Variants in GLIS3 observed in about 807,000 individuals in gnomAD.
GLIS3 encodes the protein GLIS family zinc finger 3, also known as zinc finger protein GLIS3.
In GLIS3, 53 loss-of-function variants were observed where a neutral mutation model predicts 78.6. That is an observed-to-expected ratio of 0.67 (90% CI 0.54 to 0.85). GLIS3 has a LOEUF of 0.85. GLIS3 is among the 40% of genes least tolerant of loss of function. The probability of loss-of-function intolerance (pLI) is 0.00; values close to 1 mark genes in which losing one functional copy is unlikely to be tolerated. For synonymous variants in GLIS3, 684 were observed against 509.9 expected (o/e 1.34, Z -4.60); for missense variants, 1,703 against 1,231.1 (o/e 1.38, Z -5.74).
intron 6 of GLIS3, among the ~76,000 whole-genome samples, chr9:3,919,069 T>C (rs1824702613): frequency 2.6e-5 from 4 of 152,112 alleles, no homozygotes; most frequent in African/African-American, 9.7e-5. Flanking sequence ...TAGGATCAGA[T>C]TGCCCCAACT....
chr9:4,185,209 G>A (rs766765252), intron 2 of GLIS3, among the ~76,000 whole-genome samples: 4 of 152,186 alleles, frequency 2.6e-5, no homozygotes, highest in Admixed American at 6.5e-5. Context: ...ATCACAGTCT[G>A]TGGTCTTTTG....
intron 9 of GLIS3, among the ~76,000 whole-genome samples, chr9:3,838,050 C>T (rs1818463478): frequency 6.6e-6 from 1 of 152,098 alleles, no homozygotes; most frequent in African/African-American, 2.4e-5. Flanking sequence ...CTACATTTTT[C>T]TGTGAACCCA....
chr9:4,004,472 A>T (rs1203835560), intron 4 of GLIS3, among the ~76,000 whole-genome samples: 1 of 152,200 alleles, frequency 6.6e-6, no homozygotes, highest in African/African-American at 2.4e-5. Flanking sequence ...AAGTCATCCA[A>T]AAGGTGATGG....
chr9:4,358,185 G>A, the GLIS3 span, among the ~76,000 whole-genome samples: 1 of 152,032 alleles, frequency 6.6e-6, no homozygotes, highest in Non-Finnish European at 1.5e-5. Flanking sequence ...ATTTCCAGAA[G>A]GCTGCATAAA....
intron 6 of GLIS3, among the ~76,000 whole-genome samples, chr9:3,924,647 A>G (rs149403763): frequency 3.3e-5 from 5 of 152,338 alleles, no homozygotes; most frequent in African/African-American, 1.2e-4. Context: ...TCAATGACAT[A>G]GCTCAACTGA....
the GLIS3 span, among the ~76,000 whole-genome samples, chr9:4,378,959 T>C: frequency 6.6e-6 from 1 of 152,168 alleles, no homozygotes; most frequent in Non-Finnish European, 1.5e-5. Context: ...GCCAAGTGTT[T>C]TGGGTTAAAT....
At chr9:4,037,083 C>G (rs532481327) in intron 4 of GLIS3, among the ~76,000 whole-genome samples, 2 of 152,260 alleles carry the variant, frequency 1.3e-5, no homozygotes, top group South Asian at 4.2e-4. Flanking sequence ...TCTCTGAGCA[C>G]CAGTTTTCCC....
At chr9:4,097,942 T>C (rs1830088331) in intron 4 of GLIS3, among the ~76,000 whole-genome samples, 1 of 152,214 alleles carries the variant, frequency 6.6e-6, no homozygotes, top group Admixed American at 6.5e-5. Context: ...GGCTCCATTC[T>C]GTTCCATCGG....
At chr9:4,187,703 G>T (rs1297188755) in intron 2 of GLIS3, among the ~76,000 whole-genome samples, 1 of 152,108 alleles carries the variant, frequency 6.6e-6, no homozygotes, top group Non-Finnish European at 1.5e-5. Context: ...CCTTGAAGAG[G>T]TCTTTCACAT....
At chr9:3,867,143 T>C (rs1263401416) in intron 8 of GLIS3, among the ~76,000 whole-genome samples, 1 of 152,228 alleles carries the variant, frequency 6.6e-6, no homozygotes, top group Non-Finnish European at 1.5e-5. Context: ...AACTCTTGAT[T>C]TTTCTCCATT....
intron 4 of GLIS3, among the ~76,000 whole-genome samples, chr9:4,024,365 C>T (rs1823137271): frequency 6.6e-6 from 1 of 152,156 alleles, no homozygotes; most frequent in Non-Finnish European, 1.5e-5. Context: ...ATGATAATGA[C>T]TGTGTGGATA....
intron 6 of GLIS3, among the ~76,000 whole-genome samples, chr9:3,911,294 A>C (rs564226029): frequency 2.4e-4 from 36 of 152,316 alleles, no homozygotes; most frequent in African/African-American, 8.2e-4. Flanking sequence ...TAAAATCCTT[A>C]GATCTTTTTC....
chr9:4,007,088 C>T (rs1325696740), intron 4 of GLIS3, among the ~76,000 whole-genome samples: 1 of 152,200 alleles, frequency 6.6e-6, no homozygotes, highest in Non-Finnish European at 1.5e-5. Context: ...AAGAATTCAA[C>T]TCATCTTTCT....
At chr9:4,410,272 C>T in the GLIS3 span, among the ~76,000 whole-genome samples, 5 of 152,016 alleles carry the variant, frequency 3.3e-5, no homozygotes, top group Admixed American at 6.5e-5. Flanking sequence ...CCACCACACC[C>T]GGCCCTGAAA....
rs1817826643 is a variant in GLIS3 at position 3,828,174 on chromosome 9, G to C, written c.*98C>G. On this transcript the variant is annotated 3_prime_UTR_variant, in exon 11 of 11. Coordinates refer to ENST00000381971, the MANE Select transcript of GLIS3 (RefSeq NM_001042413.2). ...GTAACTCTGCAGGGCCCGCTGATTG[G>C]GCTGACATCCTTCCTCAAGCAGTCT... The C allele has an allele frequency of 7.0e-7, 1 of 1,425,280 alleles. No individual in the cohort carries two copies. The highest frequency in any genetic ancestry group is 1.4e-5 in the African/African-American group (1 of 71,324). The allele number at this position is 1,425,280 out of a possible 1,614,324, so 88.3% of individuals were successfully genotyped here.
the GLIS3 span, among the ~76,000 whole-genome samples, chr9:4,392,426 T>C: frequency 6.6e-6 from 1 of 152,088 alleles, no homozygotes; most frequent in African/African-American, 2.4e-5. Flanking sequence ...TAATAACAAA[T>C]GTTTATCTTT....
intron 4 of GLIS3, among the ~76,000 whole-genome samples, chr9:3,982,740 A>G (rs1819406899): frequency 1.3e-5 from 2 of 152,156 alleles, no homozygotes; most frequent in African/African-American, 4.8e-5. Flanking sequence ...TCTTTTCTTC[A>G]TCAAAACTTT....
intron 1 of GLIS3, among the ~76,000 whole-genome samples, chr9:4,289,476 C>G (rs139336992): frequency 1.1e-3 from 165 of 152,242 alleles, no homozygotes; most frequent in African/African-American, 3.8e-3. Context: ...CCATGAACAA[C>G]AAATTTCAAC....
intron 2 of GLIS3, among the ~76,000 whole-genome samples, chr9:4,326,357 T>G (rs1329588230): frequency 6.6e-6 from 1 of 152,198 alleles, no homozygotes; most frequent in African/African-American, 2.4e-5. Flanking sequence ...ATACATACAA[T>G]GGAATATTAT....
Sources: gnomAD v4.1 joint callset for allele counts (sites outside exome capture counted in the v4.1 genomes callset) on GRCh38, gnomAD v4.1.1 for gene constraint, MANE v1.5 for transcripts, NCBI Gene and HGNC (gene_info 2026-07-23, HGNC 2026-07-21) for gene names.